Variants in BCAR3 observed in about 807,000 individuals in gnomAD.
BCAR3 encodes the protein BCAR3 adaptor protein, NSP family member, also known as breast cancer anti-estrogen resistance protein 3.
Under a neutral mutation model 80.1 loss-of-function variants are expected in BCAR3, and 37 were observed. That is an observed-to-expected ratio of 0.46 (90% CI 0.36 to 0.61). The LOEUF (loss-of-function observed/expected upper bound fraction) is 0.61, where lower values mean the gene tolerates loss of function less well. Among genes scored for constraint, BCAR3 ranks in the 20% least tolerant of loss-of-function variants. The probability of loss-of-function intolerance (pLI) is 0.00; values close to 1 mark genes in which losing one functional copy is unlikely to be tolerated. For missense variants in BCAR3, 978 were observed against 1,068.2 expected, an observed-to-expected ratio of 0.92 and a Z score of 1.18; for synonymous variants, 389 against 418.9, an observed-to-expected ratio of 0.93 and a Z score of 0.87.
chr1:93,778,036 T>G (rs899013181), intron 2 of BCAR3, among the ~76,000 whole-genome samples: 2 of 152,228 alleles, frequency 1.3e-5, no homozygotes, highest in Non-Finnish European at 2.9e-5. Flanking sequence ...CCTTGACAAG[T>G]TGACTTCTGA....
chr1:93,701,192 C>A (rs555487848), intron 3 of BCAR3, among the ~76,000 whole-genome samples: 2 of 152,330 alleles, frequency 1.3e-5, no homozygotes, highest in East Asian at 3.9e-4. Context: ...ACAGGGCCTG[C>A]CACACGCAGG....
intron 1 of BCAR3, among the ~76,000 whole-genome samples, chr1:93,677,827 A>C (rs1183598176): frequency 3.3e-5 from 5 of 152,184 alleles, no homozygotes; most frequent in Non-Finnish European, 1.5e-5. Context: ...GCACAATTAG[A>C]AGTGAGGGCA....
intron 11 of BCAR3, among the ~76,000 whole-genome samples, chr1:93,564,290 CT>C (rs35780346): frequency 0.032 from 3,279 of 103,566 alleles, 77 homozygotes; most frequent in African/African-American, 0.11. Flanking sequence ...TTCTTTCTTT[CT>C]TTTTTTTTTT....
chr1:93,816,060 G>A (rs1306483612), intron 2 of BCAR3, among the ~76,000 whole-genome samples: 1 of 152,168 alleles, frequency 6.6e-6, no homozygotes, highest in African/African-American at 2.4e-5. Flanking sequence ...ATCCAGATAT[G>A]CAAAAGGCCA....
At chr1:93,840,901 T>C (rs1378302109) in intron 2 of BCAR3, among the ~76,000 whole-genome samples, 2 of 152,168 alleles carry the variant, frequency 1.3e-5, no homozygotes, top group Non-Finnish European at 2.9e-5. Context: ...AAGCTACTTG[T>C]TGTGAGCTAG....
intron 3 of BCAR3, among the ~76,000 whole-genome samples, chr1:93,600,039 G>C (rs1270260678): frequency 6.6e-6 from 1 of 152,168 alleles, no homozygotes; most frequent in African/African-American, 2.4e-5. Flanking sequence ...TAGGTTCAGA[G>C]ATTTTAGTCC....
chr1:93,649,177 C>T (rs1676243004), intron 2 of BCAR3, among the ~76,000 whole-genome samples: 2 of 152,208 alleles, frequency 1.3e-5, no homozygotes, highest in Non-Finnish European at 2.9e-5. Context: ...GTTTCCTTCT[C>T]TTCTGCCAAG....
intron 2 of BCAR3, among the ~76,000 whole-genome samples, chr1:93,765,600 C>T (rs1652117786): frequency 6.6e-6 from 1 of 152,094 alleles, no homozygotes; most frequent in Non-Finnish European, 1.5e-5. Context: ...TCCTCCCACT[C>T]CCTTTATTAT....
intron 2 of BCAR3, among the ~76,000 whole-genome samples, chr1:93,777,414 T>TCCTCCTTTTCCTCCTCCTCCTCC (rs1557685179): frequency 8.8e-6 from 1 of 113,162 alleles, no homozygotes; most frequent in Non-Finnish European, 1.8e-5. Context: ...CCTCCTCCTC[T>TCCTCCTTTTCCTCCTCCTCCTCC]TCCTCCTCCT....
chr1:93,741,297 C>T (rs1052957909), intron 2 of BCAR3, among the ~76,000 whole-genome samples: 3 of 152,120 alleles, frequency 2.0e-5, no homozygotes, highest in African/African-American at 4.8e-5. Flanking sequence ...ATTATTAATG[C>T]CTGATACCTC....
chr1:93,593,847 G>T (rs1570946647), intron 3 of BCAR3, among the ~76,000 whole-genome samples: 1 of 152,100 alleles, frequency 6.6e-6, no homozygotes, highest in South Asian at 2.1e-4. Flanking sequence ...GTAACTCAGG[G>T]GCTGATTTTT....
At chr1:93,601,762 A>G (rs919772616) in intron 3 of BCAR3, among the ~76,000 whole-genome samples, 1 of 152,232 alleles carries the variant, frequency 6.6e-6, no homozygotes, top group Non-Finnish European at 1.5e-5. Context: ...GAAAAAGAAG[A>G]AGGAGGGAAT....
chr1:93,581,791 TAATAA>T (rs1673720096), intron 7 of BCAR3, among the ~76,000 whole-genome samples: 1 of 152,256 alleles, frequency 6.6e-6, no homozygotes, highest in Non-Finnish European at 1.5e-5. Context: ...ATCATTTTAG[TAATAA>T]AATAAATATG....
At chr1:93,579,788 C>T (rs544464928) in intron 7 of BCAR3, among the ~76,000 whole-genome samples, 5 of 152,340 alleles carry the variant, frequency 3.3e-5, no homozygotes, top group African/African-American at 1.2e-4. Flanking sequence ...GGAGAACCCA[C>T]GCAGGTTCAT....
At chr1:93,648,289 T>A (rs1676209209) in intron 2 of BCAR3, among the ~76,000 whole-genome samples, 1 of 152,156 alleles carries the variant, frequency 6.6e-6, no homozygotes, top group South Asian at 2.1e-4. Context: ...TCTGCTTTAG[T>A]GAGAGGCATA....
rs938010343 is a variant in BCAR3, at chr1:93,575,876, C to T, written c.1802+138G>A. 2.7e-5 allele frequency: 17 copies of T among 639,728 alleles called. No homozygotes were observed. The East Asian group carries it at 4.4e-4, about 17-fold the overall frequency. The allele number at this position is 639,728 out of a possible 1,614,324, so 39.6% of individuals were successfully genotyped here. ...TCAGGCTCAGGCTTCTGGGAAGAGT[C>T]GCTGTAGGCCATGCGCCCTGAAGTA... On this transcript the variant is annotated intron_variant, in intron 8 of 11. Transcript: ENST00000260502.
intron 2 of BCAR3, among the ~76,000 whole-genome samples, chr1:93,783,348 A>T (rs1652828973): frequency 6.6e-6 from 1 of 152,214 alleles, no homozygotes; most frequent in African/African-American, 2.4e-5. Context: ...TCATAAAAAT[A>T]AAAAATGTGT....
chr1:93,757,359 TC>T (rs1557677998), intron 2 of BCAR3, among the ~76,000 whole-genome samples: 2 of 152,162 alleles, frequency 1.3e-5, no homozygotes, highest in Admixed American at 6.5e-5. Context: ...TTCTCTGATG[TC>T]CACTTTGCGT....
chr1:93,738,871 A>G (rs1651084631), intron 2 of BCAR3, among the ~76,000 whole-genome samples: 1 of 152,084 alleles, frequency 6.6e-6, no homozygotes, highest in Non-Finnish European at 1.5e-5. Flanking sequence ...TTTAGTTAGG[A>G]CCCTTCAGGT....
Sources: allele counts gnomAD v4.1 joint callset (sites outside exome capture counted in the v4.1 genomes callset), GRCh38; gene constraint gnomAD v4.1.1; transcripts MANE v1.5; gene names NCBI Gene and HGNC (gene_info 2026-07-23, HGNC 2026-07-21).